SLC25A53: variants seen among roughly 807,000 people sequenced by gnomAD.
SLC25A53 encodes the protein mitochondrial carrier triple repeat protein 6.
In SLC25A53, 5 loss-of-function variants were observed where a neutral mutation model predicts 15.0. The ratio of observed to expected loss-of-function variants is 0.33; its 90% CI spans 0.17 to 0.70. The LOEUF is 0.70. SLC25A53 is among the 30% of genes least tolerant of loss of function. The pLI is 0.67. For synonymous variants in SLC25A53, 95 were observed against 100.0 expected, an observed-to-expected ratio of 0.95 and a Z score of 0.30; for missense variants, 216 against 241.6, an observed-to-expected ratio of 0.89 and a Z score of 0.70.
chrX:104,141,038 C>T (rs1248321980), intron 1 of SLC25A53, among the ~76,000 whole-genome samples: 1 of 111,846 alleles, frequency 8.9e-6, no homozygotes, highest in Non-Finnish European at 1.9e-5. Context: ...AGAGTAAGAA[C>T]CTCCAAAAAA....
intron 1 of SLC25A53, among the ~76,000 whole-genome samples, chrX:104,129,521 A>G (rs1476126811): frequency 1.8e-5 from 2 of 110,774 alleles, no homozygotes; most frequent in African/African-American, 3.3e-5. Context: ...GACTACGAAA[A>G]GAACACTTGC....
At chrX:104,141,816 G>C (rs2075451474) in intron 1 of SLC25A53, among the ~76,000 whole-genome samples, 1 of 111,328 alleles carries the variant, frequency 9.0e-6, no homozygotes, top group Admixed American at 9.5e-5. Context: ...TCCAACTACT[G>C]GGCTCAAGCG....
chrX:104,125,681 G>A (rs1481380745), intron 1 of SLC25A53, among the ~76,000 whole-genome samples: 1 of 111,441 alleles, frequency 9.0e-6, no homozygotes, highest in Non-Finnish European at 1.9e-5. Context: ...ATATACTGGA[G>A]GCAGGACTTG....
chrX:104,110,862 GT>G (rs1423215120), intron 1 of SLC25A53, among the ~76,000 whole-genome samples: 1 of 112,580 alleles, frequency 8.9e-6, no homozygotes, highest in Non-Finnish European at 1.9e-5. Flanking sequence ...GAGAGCTGTG[GT>G]TTGGGGGTTA....
rs782779317 is a variant in SLC25A53 at position 104,136,511 on chromosome X, G to A, written c.-32+20367C>T. On this transcript the variant is annotated intron_variant, in intron 1 of 1. Transcript: ENST00000594199. ...TCACAGCTTGAACTTTCGTGGACAG[G>A]AGAAAAAATCTGACGTGGACAGGAA... is the stretch of plus-strand genomic sequence containing the variant. 3.6e-5 allele frequency among the ~76,000 whole-genome samples: 4 copies of A among 112,159 alleles called. No individual in the cohort carries two copies. In the South Asian group the frequency reaches 1.5e-3, roughly 41 times the overall value.
At chrX:104,121,894 T>G (rs1255159905) in intron 1 of SLC25A53, among the ~76,000 whole-genome samples, 3 of 20,836 alleles carry the variant, frequency 1.4e-4, no homozygotes, top group Admixed American at 4.7e-4. Flanking sequence ...TATATATATA[T>G]ATATATATAT....
chrX:104,127,791 G>A (rs1321513149), intron 1 of SLC25A53, among the ~76,000 whole-genome samples: 1 of 111,040 alleles, frequency 9.0e-6, no homozygotes, highest in Non-Finnish European at 1.9e-5. Flanking sequence ...TGGTGAAACC[G>A]AGTCTTTACT....
At chrX:104,130,601 T>G in intron 1 of SLC25A53, 1 of 111,389 alleles carries the variant, frequency 9.0e-6, no homozygotes, top group Middle Eastern at 4.6e-3. Context: ...CCACTATCCT[T>G]GTAAGCAAGA....
At chrX:104,126,880 A>C (rs2075412365) in intron 1 of SLC25A53, among the ~76,000 whole-genome samples, 1 of 112,260 alleles carries the variant, frequency 8.9e-6, no homozygotes, top group Non-Finnish European at 1.9e-5. Flanking sequence ...TGTAGAAAAA[A>C]TGGATCTCTC....
chrX:104,100,582 T>G lies in SLC25A53; in HGVS notation c.*3752A>C, dbSNP rs2075276195. 1.8e-5 allele frequency: 2 copies of G among 112,081 alleles called. No homozygotes were observed. The highest frequency in any genetic ancestry group is 1.9e-4 in the Admixed American group (2 of 10,504). The allele number at this position is 112,081 out of a possible 1,213,427, so 9.2% of individuals were successfully genotyped here. On this transcript the variant is annotated 3_prime_UTR_variant, in exon 2 of 2. Coordinates refer to ENST00000594199, the MANE Select transcript of SLC25A53 (RefSeq NM_001012755.5). ...GTCTGTATAATTTTACAATATTGCC[T>G]AGGATTTCATATGAACCGATTTGAA...
At position 104,114,470 on chromosome X, in the gene SLC25A53, T is replaced by C. The variant is rs782233326; in HGVS notation, c.-31-9182A>G. The C allele has an allele frequency of 4.1e-6, 5 of 1,209,290 alleles. No individual in the cohort carries two copies. In the Admixed American group the frequency reaches 1.1e-4, roughly 26 times the overall value. On this transcript the variant is annotated intron_variant, in intron 1 of 1. Coordinates refer to ENST00000594199, the MANE Select transcript of SLC25A53 (RefSeq NM_001012755.5). Reference sequence around the variant, plus strand: ...GATTTCTTGCGGGCAATGAAATTGGTGTTTGGGGAGTCTGAAAGCAGTGTG... The same window carrying C: ...GATTTCTTGCGGGCAATGAAATTGGCGTTTGGGGAGTCTGAAAGCAGTGTG...
At chrX:104,114,412 C>CT (rs782039659) in intron 1 of SLC25A53, 4 of 1,210,198 alleles carry the variant, frequency 3.3e-6, no homozygotes, top group Non-Finnish European at 4.5e-6. Context: ...CATGCGTTTG[C>CT]TTCAGGCGGC....
At chrX:104,154,183 G>A (rs782526033) in intron 1 of SLC25A53, among the ~76,000 whole-genome samples, 148 of 112,145 alleles carry the variant, frequency 1.3e-3, no homozygotes, top group Non-Finnish European at 2.4e-3. Flanking sequence ...CAAAGGACCC[G>A]AATAGACATT....
intron 1 of SLC25A53, among the ~76,000 whole-genome samples, chrX:104,108,622 A>T (rs781867933): frequency 5.4e-5 from 6 of 111,257 alleles, no homozygotes; most frequent in Non-Finnish European, 1.1e-4. Flanking sequence ...GAATGGACCT[A>T]GAGTTGGCCT....
intron 1 of SLC25A53, among the ~76,000 whole-genome samples, chrX:104,153,709 A>C (rs1306299731): frequency 1.8e-5 from 2 of 112,480 alleles, no homozygotes; most frequent in Admixed American, 9.4e-5. Flanking sequence ...GAAAACTGCT[A>C]CTTTGTGTTT....
At chrX:104,142,237 G>A (rs2075452677) in intron 1 of SLC25A53, among the ~76,000 whole-genome samples, 1 of 111,061 alleles carries the variant, frequency 9.0e-6, no homozygotes, top group South Asian at 3.8e-4. Context: ...GTGAGACCCT[G>A]TTTCAAAAAA....
chrX:104,151,396 T>C (rs1556370320), intron 1 of SLC25A53, among the ~76,000 whole-genome samples: 1 of 111,787 alleles, frequency 8.9e-6, no homozygotes, highest in East Asian at 2.8e-4. Flanking sequence ...ATTTTTCTCC[T>C]AATCTTATTT....
intron 1 of SLC25A53, among the ~76,000 whole-genome samples, chrX:104,135,075 T>C (rs1193887298): frequency 9.0e-6 from 1 of 111,043 alleles, no homozygotes; most frequent in African/African-American, 3.3e-5. Flanking sequence ...CCCTCCCTCC[T>C]GAACTCTTTC....
In SLC25A53 at chrX:104,155,442, G is replaced by A. The variant is rs2075497486; in HGVS notation, c.-32+1436C>T. ...TCTGTGGATGGGACCTAGCAATCTT[G>A]GTTTTAAGAAACGCTCCATCTGATT... On this transcript the variant is annotated intron_variant, in intron 1 of 1. Coordinates refer to ENST00000594199, the MANE Select transcript of SLC25A53 (RefSeq NM_001012755.5). Among the ~76,000 whole-genome samples, 4 of 111,213 alleles carry A rather than the reference G, an allele frequency of 3.6e-5. No individual in the cohort carries two copies. In the South Asian group the frequency reaches 1.5e-3, roughly 42 times the overall value.
Sources: gnomAD v4.1 joint callset for allele counts (sites outside exome capture counted in the v4.1 genomes callset) on GRCh38, gnomAD v4.1.1 for gene constraint, MANE v1.5 for transcripts, NCBI Gene and HGNC (gene_info 2026-07-23, HGNC 2026-07-21) for gene names.